Variants in SUCO observed in about 807,000 individuals in gnomAD.
The protein encoded by SUCO is SUN domain containing ossification factor, also known as SUN domain-containing ossification factor.
In SUCO, 57 loss-of-function variants were observed where a neutral mutation model predicts 148.1. The observed-to-expected ratio is 0.38, with a 90% confidence interval of 0.31 to 0.48. The LOEUF (loss-of-function observed/expected upper bound fraction) is 0.48. Ranked by LOEUF, SUCO falls within the 20% of genes least tolerant of loss-of-function variation. The probability of loss-of-function intolerance (pLI) is 0.96; values close to 1 mark genes in which losing one functional copy is unlikely to be tolerated. For synonymous variants in SUCO, 470 were observed against 502.7 expected (o/e 0.93, Z 0.87); for missense variants, 1,331 against 1,468.2 (o/e 0.91, Z 1.53).
chr1:172,557,817 C>G, intron 6 of SUCO, 23 bp downstream of exon 6: 1 of 1,535,878 alleles, frequency 6.5e-7, no homozygotes, highest in Non-Finnish European at 8.8e-7. Flanking sequence ...CTTGCACTAT[C>G]TCTTACTTCT....
At chr1:172,586,008 T>C in intron 17 of SUCO, 60 bp downstream of exon 17, 2 of 1,101,004 alleles carry the variant, frequency 1.8e-6, no homozygotes, top group Non-Finnish European at 2.6e-6. Flanking sequence ...AGTATATTAG[T>C]ATAAAAAAAG....
chr1:172,563,287 A>G (rs1571216498), intron 6 of SUCO, among the ~76,000 whole-genome samples: 2 of 152,338 alleles, frequency 1.3e-5, no homozygotes, highest in South Asian at 4.1e-4. Context: ...GGCTCAGAAG[A>G]CAGGAAGGTA....
At chr1:172,563,151 A>C (rs1654312269) in intron 6 of SUCO, among the ~76,000 whole-genome samples, 1 of 152,234 alleles carries the variant, frequency 6.6e-6, no homozygotes, top group South Asian at 2.1e-4. Context: ...AGTTCTTTAT[A>C]GCAGTGTAAG....
intron 1 of SUCO, among the ~76,000 whole-genome samples, chr1:172,550,125 G>A (rs1392702979): frequency 6.6e-6 from 1 of 151,768 alleles, no homozygotes; most frequent in Non-Finnish European, 1.5e-5. Context: ...TGTTATCTCA[G>A]TATCATATTG....
rs1656413695 is a variant in SUCO at position 172,588,816 on chromosome 1, C to T, written c.1715C>T (p.Pro572Leu). ...ATGGAGCCGTCAACACCAGATACTCCAAAAGAGAGTCCCATTGTACAGTTA... is the reference window on the plus strand; with the variant it reads ...ATGGAGCCGTCAACACCAGATACTCTAAAAGAGAGTCCCATTGTACAGTTA... ...HDMEPSTPDT[P>L]KESPIVQLVQ... Residue 572 changes from proline (P) to leucine (L), a missense_variant, in exon 18 of 24, where the codon CCA becomes CTA. Pro to Leu is a moderately conservative substitution (Grantham distance 98). Around this residue, in one of 3 missense-constraint regions of SUCO, gnomAD observed 992 missense variants for 1,093.5 expected, o/e 0.91. Transcript: ENST00000263688. The T allele has an allele frequency of 6.2e-7, 1 of 1,601,478 alleles. No individual in the cohort carries two copies. The highest frequency in any genetic ancestry group is 8.5e-7 in the Non-Finnish European group (1 of 1,174,720).
chr1:172,576,904 T>C, intron 11 of SUCO: 3 of 784,896 alleles, frequency 3.8e-6, no homozygotes, highest in Non-Finnish European at 4.6e-6. Context: ...TGGATGTTCC[T>C]TATCTTAAAA....
chr1:172,540,294 A>G (rs1357356495), intron 1 of SUCO, among the ~76,000 whole-genome samples: 1 of 152,136 alleles, frequency 6.6e-6, no homozygotes, highest in African/African-American at 2.4e-5. Context: ...TTTTCTAGTT[A>G]ATAATTTTAT....
chr1:172,585,206 T>A, intron 16 of SUCO, 120 bp downstream of exon 16: 1 of 893,496 alleles, frequency 1.1e-6, no homozygotes. Flanking sequence ...ATAGAAATAA[T>A]TCAGAGGAAC....
Position 172,533,175 on chromosome 1 carries a change from A to C in SUCO, c.-261A>C. The C allele has an allele frequency of 6.8e-7, 1 of 1,477,446 alleles. No individual in the cohort carries two copies. The highest frequency in any genetic ancestry group is 9.0e-7 in the Non-Finnish European group (1 of 1,116,952). The allele number at this position is 1,477,446 out of a possible 1,614,324, so 91.5% of individuals were successfully genotyped here. On this transcript the variant is annotated 5_prime_UTR_variant, in exon 1 of 24. Coordinates refer to ENST00000263688, the MANE Select transcript of SUCO (RefSeq NM_014283.5). ...ATGGGGCGGCAGTGGCGGCTGCAGG[A>C]GGCGGGCGTGGACGAGCCGGTGGCT...
intron 19 of SUCO, among the ~76,000 whole-genome samples, chr1:172,597,496 A>G (rs1455202859): frequency 2.6e-5 from 4 of 152,186 alleles, no homozygotes; most frequent in Non-Finnish European, 5.9e-5. Flanking sequence ...CTTTCCTGCA[A>G]CTTTGTTAAA....
intron 6 of SUCO, among the ~76,000 whole-genome samples, chr1:172,563,638 T>C (rs1455575371): frequency 3.3e-5 from 5 of 152,190 alleles, no homozygotes; most frequent in Admixed American, 1.3e-4. Flanking sequence ...CTGGAACTTA[T>C]ATTTAAAACG....
chr1:172,535,254 TAA>T (rs1460941361), intron 1 of SUCO, among the ~76,000 whole-genome samples: 1 of 152,194 alleles, frequency 6.6e-6, no homozygotes, highest in African/African-American at 2.4e-5. Flanking sequence ...GTGGAGAGTT[TAA>T]GAGTGTGAAC....
rs760402037 is a variant in SUCO, at chr1:172,602,793, T to C, written c.3265+6T>C. 1 of 1,595,508 alleles carries C rather than the reference T, an allele frequency of 6.3e-7. No individual in the cohort carries two copies. The highest frequency in any genetic ancestry group is 8.6e-7 in the Non-Finnish European group (1 of 1,164,456). ...ACAGTTAACTGGCAAAGAAGGTAGA[T>C]TTCTGTGGATATATAATATGTATAT... On this transcript the variant is annotated splice_donor_region_variant and intron_variant, in intron 22 of 23. Transcript: ENST00000263688.
At chr1:172,586,544 ACTT>A (rs1656260969) in intron 17 of SUCO, among the ~76,000 whole-genome samples, 1 of 152,242 alleles carries the variant, frequency 6.6e-6, no homozygotes, top group Middle Eastern at 3.4e-3. Context: ...TGGTACCTCT[ACTT>A]CTTACCTATA....
intron 1 of SUCO, chr1:172,542,705 A>C: frequency 1.2e-5 from 12 of 985,258 alleles, no homozygotes; most frequent in Non-Finnish European, 1.3e-5. Context: ...TGGTGCCAAA[A>C]GGTTGGGGAC....
At position 172,570,177 on chromosome 1, in the gene SUCO, T is replaced by C. The variant is rs753475150; in HGVS notation, c.981+6T>C. 1.9e-6 allele frequency: 3 copies of C among 1,550,294 alleles called. No individual in the cohort carries two copies. The highest frequency in any genetic ancestry group is 1.3e-5 in the South Asian group (1 of 79,554). On this transcript the variant is annotated splice_donor_region_variant and intron_variant, in intron 8 of 23. Coordinates refer to ENST00000263688, the MANE Select transcript of SUCO (RefSeq NM_014283.5). ...CAGCTAATCCAGAAGCCAAGGTAGG[T>C]GTTTAAATATAAAATTTTGTATATA...
At chr1:172,564,728 A>G (rs1227148605) in intron 6 of SUCO, among the ~76,000 whole-genome samples, 3 of 152,172 alleles carry the variant, frequency 2.0e-5, no homozygotes, top group Non-Finnish European at 4.4e-5. Context: ...CTTTAGGACA[A>G]GGATTTACTA....
At chr1:172,576,514 A>G (rs1655450723) in intron 11 of SUCO, among the ~76,000 whole-genome samples, 1 of 151,654 alleles carries the variant, frequency 6.6e-6, no homozygotes, top group Admixed American at 6.6e-5. Context: ...ATTCAAAATT[A>G]TTAGTTCAAA....
chr1:172,581,551 T>G (rs770675000), intron 15 of SUCO, among the ~76,000 whole-genome samples: 6 of 152,186 alleles, frequency 3.9e-5, no homozygotes, highest in African/African-American at 7.2e-5. Context: ...AGCTATAGCC[T>G]CCAAGGTGGT....
Sources: allele counts gnomAD v4.1 joint callset (sites outside exome capture counted in the v4.1 genomes callset), GRCh38; gene constraint gnomAD v4.1.1; regional missense constraint gnomAD v4.1.1; transcripts MANE v1.5; gene names NCBI Gene and HGNC (gene_info 2026-07-23, HGNC 2026-07-21).